The following SERINC2 variants were observed in gnomAD, a reference collection of about 807,000 sequenced individuals.
The protein encoded by SERINC2 is serine incorporator 2, also known as tumor differentially expressed protein 2.
In SERINC2, 56 loss-of-function variants were observed where a neutral mutation model predicts 54.2. The ratio of observed to expected loss-of-function variants is 1.03; its 90% CI spans 0.83 to 1.29. SERINC2 has a LOEUF of 1.29. SERINC2 is among the 50% of genes most tolerant of loss of function. SERINC2 has a pLI of 0.00. For missense variants in SERINC2, 614 were observed against 607.4 expected (o/e 1.01, Z -0.12); for synonymous variants, 272 against 253.1 (o/e 1.07, Z -0.71).
At chr1:31,426,059 A>T in intron 5 of SERINC2, 146 bp downstream of exon 5, 1 of 839,480 alleles carries the variant, frequency 1.2e-6, no homozygotes, top group East Asian at 2.8e-5. Context: ...CAATTGTCCC[A>T]GGGAGATGGG....
At chr1:31,432,110 AT>A (rs1641288034) in intron 8 of SERINC2, among the ~76,000 whole-genome samples, 1 of 100,054 alleles carries the variant, frequency 1.0e-5, no homozygotes, top group African/African-American at 4.4e-5. Flanking sequence ...GACAGGGTGG[AT>A]AGGGTGGTTA....
chr1:31,409,788 C>G (rs781935544), upstream of SERINC2: 1 of 1,544,976 alleles, frequency 6.5e-7, no homozygotes, highest in Non-Finnish European at 8.8e-7. Flanking sequence ...GTACAGACAG[C>G]GAAGCCCAAG....
At chr1:31,412,221 G>A (rs1281974056), upstream of SERINC2, among the ~76,000 whole-genome samples, 2 of 152,116 alleles carry the variant, frequency 1.3e-5, no homozygotes, top group African/African-American at 2.4e-5. Context: ...TTGTCCAGAG[G>A]TGGCTGAGGA....
intron 3 of SERINC2, 82 bp from the exon 4 acceptor site, chr1:31,425,248 G>A (rs1641007181): frequency 9.8e-7 from 1 of 1,025,046 alleles, no homozygotes; most frequent in Non-Finnish European, 1.6e-6. Flanking sequence ...GTGGGTGGGG[G>A]CTCTGGGGCC....
chr1:31,430,023 A>G (rs1423356087), intron 8 of SERINC2, among the ~76,000 whole-genome samples: 1 of 151,978 alleles, frequency 6.6e-6, no homozygotes, highest in African/African-American at 2.4e-5. Context: ...TCAAAGGGGC[A>G]TCTTAGTAGG....
chr1:31,422,832 C>A (rs559736338), intron 1 of SERINC2, among the ~76,000 whole-genome samples: 1 of 152,214 alleles, frequency 6.6e-6, no homozygotes, highest in African/African-American at 2.4e-5. Context: ...ATCACCAGCC[C>A]CTGAATGATT....
chr1:31,431,641 TAGCATGGTTCTTACAGCACAGGC>T (rs1461167548), intron 8 of SERINC2, among the ~76,000 whole-genome samples: 1 of 152,348 alleles, frequency 6.6e-6, no homozygotes, highest in East Asian at 1.9e-4. Context: ...GGTCTGTTCT[TAGCATGGTTCTTACAGCACAGGC>T]AGCAAAGAAG....
chr1:31,426,965 G>A (rs1641063081), intron 6 of SERINC2, 142 bp downstream of exon 6: 1 of 718,614 alleles, frequency 1.4e-6, no homozygotes. Flanking sequence ...GCCTCCCCAG[G>A]TTATAGTCAG....
upstream of SERINC2, chr1:31,409,881 G>T: frequency 6.5e-7 from 1 of 1,539,226 alleles, no homozygotes; most frequent in African/African-American, 1.4e-5. Flanking sequence ...AGAATGGATT[G>T]GGGGCACTGA....
chr1:31,429,470 G>C lies in SERINC2; in HGVS notation c.945G>C (p.Glu315Asp), dbSNP rs1380466937. Residue 315 changes from glutamate (E) to aspartate (D), a missense_variant, in exon 8 of 10, where the codon GAG becomes GAC. Physicochemically the swap from Glu to Asp is conservative, Grantham distance 45. Transcript: ENST00000373709. ...ETVVAGPEGY[E>D]TQWWDAPSIV... ...TTGTGGCAGGCCCCGAGGGCTATGA[G>C]ACCCAGTGGTGGGATGCCCCGAGCA... is the stretch of plus-strand genomic sequence containing the variant. 1 of 1,613,912 alleles carries C rather than the reference G, an allele frequency of 6.2e-7. No homozygotes were observed. The highest frequency in any genetic ancestry group is 8.5e-7 in the Non-Finnish European group (1 of 1,179,926).
chr1:31,426,540 G>T, intron 5 of SERINC2, 114 bp from the exon 6 acceptor site: 1 of 797,308 alleles, frequency 1.3e-6, no homozygotes. Context: ...TTCAAGTGGG[G>T]AAACTGAGAG....
At chr1:31,432,230 G>GGGTGGAGAGGGTGGAGAGGGT (rs1553134789) in intron 8 of SERINC2, among the ~76,000 whole-genome samples, 1 of 151,570 alleles carries the variant, frequency 6.6e-6, no homozygotes, top group Non-Finnish European at 1.5e-5. Context: ...AGGGTGGATA[G>GGGTGGAGAGGGTGGAGAGGGT]GGACCCACTG....
upstream of SERINC2, among the ~76,000 whole-genome samples, chr1:31,411,176 G>A (rs566751212): frequency 8.5e-5 from 13 of 152,098 alleles, no homozygotes; most frequent in Non-Finnish European, 1.5e-4. Context: ...TAAAGGCCTC[G>A]GGTTAGGGAA....
At chr1:31,432,317 G>A (rs1641323615) in intron 8 of SERINC2, among the ~76,000 whole-genome samples, 1 of 151,616 alleles carries the variant, frequency 6.6e-6, no homozygotes, top group South Asian at 2.1e-4. Context: ...ACTTTTGTTT[G>A]GAAACGTGAG....
At chr1:31,418,023 A>T (rs1001974242) in intron 1 of SERINC2, among the ~76,000 whole-genome samples, 3 of 151,440 alleles carry the variant, frequency 2.0e-5, no homozygotes, top group African/African-American at 7.3e-5. Context: ...TGCCCAGCTA[A>T]TTTTTTTGTA....
intron 8 of SERINC2, among the ~76,000 whole-genome samples, chr1:31,431,069 C>G (rs1553134395): frequency 6.6e-6 from 1 of 152,078 alleles, no homozygotes; most frequent in Non-Finnish European, 1.5e-5. Context: ...GCTGGAAAGG[C>G]TTGAATTACC....
At chr1:31,431,098 C>T (rs1263912154) in intron 8 of SERINC2, among the ~76,000 whole-genome samples, 1 of 150,788 alleles carries the variant, frequency 6.6e-6, no homozygotes, top group Non-Finnish European at 1.5e-5. Context: ...CTCTCCTCTC[C>T]CCTCCCCTCC....
intron 1 of SERINC2, among the ~76,000 whole-genome samples, chr1:31,421,749 C>T (rs1640906183): frequency 6.6e-6 from 1 of 152,218 alleles, no homozygotes; most frequent in South Asian, 2.1e-4. Context: ...GTGCCCACCG[C>T]TCTTAGGATG....
At chr1:31,418,244 T>C (rs1449681414) in intron 1 of SERINC2, among the ~76,000 whole-genome samples, 1 of 152,260 alleles carries the variant, frequency 6.6e-6, no homozygotes, top group African/African-American at 2.4e-5. Flanking sequence ...CGTCCACCAA[T>C]GGACATTTAG....
Sources: allele counts gnomAD v4.1 joint callset (sites outside exome capture counted in the v4.1 genomes callset), GRCh38; gene constraint gnomAD v4.1.1; transcripts MANE v1.5; gene names NCBI Gene and HGNC (gene_info 2026-07-23, HGNC 2026-07-21).